PARD3B: variants seen among roughly 807,000 people sequenced by gnomAD.
PARD3B encodes partitioning defective 3 homolog B.
Under a neutral mutation model 130.2 loss-of-function variants are expected in PARD3B, and 103 were observed. The ratio of observed to expected loss-of-function variants is 0.79; its 90% CI spans 0.67 to 0.93. The LOEUF (loss-of-function observed/expected upper bound fraction) is 0.93. Among genes scored for constraint, PARD3B ranks in the 40% least tolerant of loss-of-function variants. The pLI, the probability that PARD3B is intolerant of heterozygous loss-of-function variation, is 0.00. For missense variants in PARD3B, 1,609 were observed against 1,499.2 expected, an observed-to-expected ratio of 1.07 and a Z score of -1.21; for synonymous variants, 583 against 553.2, an observed-to-expected ratio of 1.05 and a Z score of -0.76.
rs2035893092 is a variant in PARD3B, at chr2:205,183,237, G to A, written c.1925-2527G>A. Reference sequence around the variant, plus strand: ...GGAATGGTAAGCTAACGGGTAATGGGAGATAAAGTTGTTTGCCAGGATCAT... The same window carrying A: ...GGAATGGTAAGCTAACGGGTAATGGAAGATAAAGTTGTTTGCCAGGATCAT... On this transcript the variant is annotated intron_variant, in intron 13 of 22. Coordinates refer to ENST00000406610, the MANE Select transcript of PARD3B (RefSeq NM_001302769.2). The surrounding 1 kb of genome is among the most constrained non-coding windows in gnomAD (Gnocchi z 5.2). Among the ~76,000 whole-genome samples, 1 of 152,132 alleles carries A rather than the reference G, an allele frequency of 6.6e-6. No individual in the cohort carries two copies. Among genetic ancestry groups the A allele is most frequent in the Non-Finnish European group, 1.5e-5 (1 of 68,022 alleles).
At chr2:204,868,934 G>T (rs1156781616) in intron 2 of PARD3B, among the ~76,000 whole-genome samples, 2 of 152,104 alleles carry the variant, frequency 1.3e-5, no homozygotes, top group Admixed American at 6.6e-5. Context: ...CAACAACAGG[G>T]AATCAGGTGT....
chr2:205,138,155 G>T (rs1344617842), intron 10 of PARD3B, among the ~76,000 whole-genome samples: 1 of 152,070 alleles, frequency 6.6e-6, no homozygotes, highest in Non-Finnish European at 1.5e-5. Context: ...TTAATTTCTT[G>T]AGTCTTAATT....
At chr2:205,164,824 C>T (rs924424573) in intron 11 of PARD3B, among the ~76,000 whole-genome samples, 4 of 148,750 alleles carry the variant, frequency 2.7e-5, no homozygotes, top group Non-Finnish European at 6.0e-5. Flanking sequence ...TATATGTATA[C>T]ACACACACAC....
chr2:204,958,373 G>C (rs1218900242), intron 2 of PARD3B, among the ~76,000 whole-genome samples: 2 of 152,198 alleles, frequency 1.3e-5, no homozygotes, highest in Non-Finnish European at 2.9e-5. Flanking sequence ...ATTGCTTCAA[G>C]TTATGGTTGG....
At chr2:205,197,051 G>A (rs796556900) in intron 15 of PARD3B, among the ~76,000 whole-genome samples, 9,659 of 93,060 alleles carry the variant, frequency 0.1, 1,037 homozygotes, top group African/African-American at 0.33. Context: ...GTGTGTGTGT[G>A]TGTGTGTGTG....
At chr2:205,177,408 T>G (rs1445417446) in intron 13 of PARD3B, among the ~76,000 whole-genome samples, 2 of 152,222 alleles carry the variant, frequency 1.3e-5, no homozygotes, top group African/African-American at 4.8e-5. Flanking sequence ...TAATGAAATG[T>G]ATGTAATGTT....
chr2:204,958,304 T>G (rs1220337099), intron 2 of PARD3B, among the ~76,000 whole-genome samples: 1 of 152,172 alleles, frequency 6.6e-6, no homozygotes, highest in South Asian at 2.1e-4. Context: ...TAAATGTACT[T>G]CATGGCATTT....
chr2:205,594,782 G>A (rs1166741234), intron 22 of PARD3B, among the ~76,000 whole-genome samples: 1 of 152,194 alleles, frequency 6.6e-6, no homozygotes, highest in Non-Finnish European at 1.5e-5. Context: ...ACCTCTGTTA[G>A]AGGATTTCCT....
chr2:204,822,311 T>C (rs1025432816), intron 2 of PARD3B, among the ~76,000 whole-genome samples: 1 of 152,216 alleles, frequency 6.6e-6, no homozygotes, highest in Admixed American at 6.5e-5. Context: ...GATGAAACTA[T>C]AGTGGATGAG....
intron 19 of PARD3B, among the ~76,000 whole-genome samples, chr2:205,402,955 G>A (rs568464873): frequency 4.6e-5 from 7 of 152,240 alleles, no homozygotes; most frequent in South Asian, 2.1e-4. Flanking sequence ...TGAGAGCCAC[G>A]GATGGTGGAG....
rs531822156 is a variant in PARD3B, at chr2:205,415,729, GA to G, written c.2741+14609del. Among the ~76,000 whole-genome samples the G allele has an allele frequency of 3.9e-3, 597 of 152,174 alleles. 8 individuals carry two copies. The highest frequency in any genetic ancestry group is 0.013 in the African/African-American group (549 of 41,524). Reference sequence around the variant, plus strand: ...AAGCTTGACTGTGCCTCAATTCAAAGAAATTTTTTTTTAATTGTGACATAAT... The same window carrying G: ...AAGCTTGACTGTGCCTCAATTCAAAGAATTTTTTTTTAATTGTGACATAAT... On this transcript the variant is annotated intron_variant, in intron 19 of 22. Transcript: ENST00000406610.
chr2:205,501,156 A>C (rs1237525798), intron 21 of PARD3B, among the ~76,000 whole-genome samples: 1 of 152,124 alleles, frequency 6.6e-6, no homozygotes, highest in African/African-American at 2.4e-5. Context: ...CAGTTTCAGG[A>C]TCCACCACTG....
At chr2:204,915,427 T>G in intron 2 of PARD3B, among the ~76,000 whole-genome samples, 1 of 152,196 alleles carries the variant, frequency 6.6e-6, no homozygotes, top group East Asian at 1.9e-4. Flanking sequence ...AATGCTGAAA[T>G]TTGTTATGCA....
At chr2:205,224,385 A>AAAG (rs2038420084) in intron 15 of PARD3B, among the ~76,000 whole-genome samples, 1 of 147,498 alleles carries the variant, frequency 6.8e-6, no homozygotes, top group Non-Finnish European at 1.5e-5. Context: ...AAAAAAAAAA[A>AAAG]AAAGAAAGAA....
At chr2:205,503,390 C>CT (rs75071561) in intron 21 of PARD3B, among the ~76,000 whole-genome samples, 6,813 of 145,708 alleles carry the variant, frequency 0.047, 201 homozygotes, top group Admixed American at 0.1. Flanking sequence ...ATACTTTGTT[C>CT]TTTTTTTTTT....
chr2:205,120,003 G>C (rs1021197805), intron 7 of PARD3B, among the ~76,000 whole-genome samples: 2 of 152,054 alleles, frequency 1.3e-5, no homozygotes, highest in African/African-American at 4.8e-5. Context: ...GACCAAAACA[G>C]CTCCTAATAC....
intron 2 of PARD3B, among the ~76,000 whole-genome samples, chr2:204,954,448 A>G (rs919663435): frequency 7.2e-5 from 11 of 152,230 alleles, no homozygotes; most frequent in South Asian, 2.1e-4. Context: ...CATGAGGTCA[A>G]TCAGCGGGAG....
intron 2 of PARD3B, among the ~76,000 whole-genome samples, chr2:204,748,139 A>G (rs556415527): frequency 1.3e-5 from 2 of 152,252 alleles, no homozygotes; most frequent in South Asian, 4.1e-4. Context: ...TTAAAATAAT[A>G]TGGTTGAGTA....
At chr2:205,007,342 C>A (rs571091578) in intron 3 of PARD3B, among the ~76,000 whole-genome samples, 5 of 152,136 alleles carry the variant, frequency 3.3e-5, no homozygotes, top group African/African-American at 1.2e-4. Context: ...TGGACTAATA[C>A]GCCATCTTGA....
Sources: gnomAD v4.1 joint callset for allele counts (sites outside exome capture counted in the v4.1 genomes callset) on GRCh38, gnomAD v4.1.1 for gene constraint, Gnocchi (gnomAD v3.1) non-coding constraint, MANE v1.5 for transcripts, NCBI Gene and HGNC (gene_info 2026-07-23, HGNC 2026-07-21) for gene names.